ANO1: variants seen among roughly 807,000 people sequenced by gnomAD.
ANO1 encodes the protein anoctamin 1, also known as anoctamin-1.
ANO1 carries 59 observed loss-of-function variants against 124.0 expected under a neutral mutation model. The observed-to-expected ratio is 0.48, with a 90% CI of 0.39 to 0.59. The LOEUF (loss-of-function observed/expected upper bound fraction) is 0.59. ANO1 is among the 20% of genes least tolerant of loss of function. The pLI, the probability that ANO1 is intolerant of heterozygous loss-of-function variation, is 0.00. For synonymous variants in ANO1, 529 were observed against 532.0 expected (o/e 0.99, Z 0.08); for missense variants, 1,059 against 1,328.0 (o/e 0.80, Z 3.15).
Position 70,154,228 on chromosome 11 carries a change from A to G in ANO1, c.1425+1100A>G, listed in dbSNP as rs568209414. 6.0e-4 allele frequency among the ~76,000 whole-genome samples: 92 copies of G among 152,132 alleles called. 2 individuals carry two copies. In the South Asian group the frequency reaches 0.018, roughly 30 times the overall value. On this transcript the variant is annotated intron_variant, in intron 14 of 25. Transcript: ENST00000355303. ...GGTCCTGACCTTGTGTCATATCTGCACTTTCAGCCTTGGGGACTGATCAGG... is the reference window on the plus strand; with the variant it reads ...GGTCCTGACCTTGTGTCATATCTGCGCTTTCAGCCTTGGGGACTGATCAGG...
chr11:70,082,645 A>G (rs1296869753), intron 1 of ANO1, among the ~76,000 whole-genome samples: 1 of 152,238 alleles, frequency 6.6e-6, no homozygotes, highest in Non-Finnish European at 1.5e-5. Flanking sequence ...ATACAGAAAC[A>G]GAAATGTTCT....
intron 14 of ANO1, among the ~76,000 whole-genome samples, chr11:70,154,949 T>TTCCC (rs760415644): frequency 7.9e-5 from 12 of 152,280 alleles, no homozygotes; most frequent in Non-Finnish European, 1.6e-4. Context: ...GCGCCCCTCA[T>TTCCC]TCCCTCCTGG....
chr11:69,967,780 T>A, the ANO1 span, among the ~76,000 whole-genome samples: 4 of 151,950 alleles, frequency 2.6e-5, no homozygotes, highest in East Asian at 7.8e-4. Context: ...CTCTGCAGAG[T>A]CTTCTGTGCA....
At chr11:69,987,576 G>A (rs1397082692) in intron 1 of ANO1, among the ~76,000 whole-genome samples, 7 of 133,886 alleles carry the variant, frequency 5.2e-5, no homozygotes, top group Non-Finnish European at 9.1e-5. Context: ...CTGCACTCCA[G>A]CCTGGGTAAC....
intron 1 of ANO1, among the ~76,000 whole-genome samples, chr11:69,998,133 G>T (rs1393555476): frequency 1.4e-4 from 22 of 152,128 alleles, no homozygotes; most frequent in Admixed American, 7.9e-4. Context: ...CCTCACACGG[G>T]TTTCTCTCCT....
chr11:70,030,799 T>G (rs1341121217), intron 1 of ANO1, among the ~76,000 whole-genome samples: 1 of 152,200 alleles, frequency 6.6e-6, no homozygotes, highest in Non-Finnish European at 1.5e-5. Flanking sequence ...TGGACATCTC[T>G]GGAGGCCAAT....
chr11:70,150,957 G>T (rs567409885), intron 12 of ANO1, among the ~76,000 whole-genome samples: 1 of 152,132 alleles, frequency 6.6e-6, no homozygotes, highest in African/African-American at 2.4e-5. Flanking sequence ...GCCAGCTTTG[G>T]GTTGACAATA....
At chr11:70,141,289 C>T (rs762575234) in intron 11 of ANO1, among the ~76,000 whole-genome samples, 26 of 152,206 alleles carry the variant, frequency 1.7e-4, no homozygotes, top group Non-Finnish European at 3.2e-4. Flanking sequence ...CAGTTCTTCA[C>T]TGCACACCTA....
At chr11:70,117,108 T>C (rs2046010881) in intron 8 of ANO1, among the ~76,000 whole-genome samples, 1 of 145,306 alleles carries the variant, frequency 6.9e-6, no homozygotes, top group Non-Finnish European at 1.5e-5. Context: ...TTCTTTTTTT[T>C]TTTTTTTTTT....
intron 1 of ANO1, among the ~76,000 whole-genome samples, chr11:69,987,549 G>A (rs1031400404): frequency 6.8e-6 from 1 of 147,656 alleles, no homozygotes; most frequent in Non-Finnish European, 1.5e-5. Flanking sequence ...AGCCCGCAGT[G>A]TGCCTAGATC....
intron 16 of ANO1, among the ~76,000 whole-genome samples, chr11:70,158,279 C>A (rs1212414851): frequency 2.0e-5 from 3 of 152,186 alleles, no homozygotes; most frequent in Non-Finnish European, 4.4e-5. Context: ...TCCATCACCC[C>A]CCAAGTACTC....
intron 1 of ANO1, among the ~76,000 whole-genome samples, chr11:69,989,009 G>GAGGGAGGTAGGGAGGGACGC (rs1856103028): frequency 6.6e-6 from 1 of 151,872 alleles, no homozygotes; most frequent in Non-Finnish European, 1.5e-5. Context: ...GGGAGGGACG[G>GAGGGAGGTAGGGAGGGACGC]AGGGAGGGAG....
chr11:69,993,595 C>T (rs1554997891), intron 1 of ANO1, among the ~76,000 whole-genome samples: 1 of 152,200 alleles, frequency 6.6e-6, no homozygotes, highest in African/African-American at 2.4e-5. Flanking sequence ...AGCCTCCATC[C>T]CTTATTCAAG....
At position 70,095,412 on chromosome 11, in the gene ANO1, AAGAAAGAAAGAAAGAAAAGAAAAG is replaced by A. The variant is rs1488406700; in HGVS notation, c.441+7330_441+7353del. On this transcript the variant is annotated intron_variant, in intron 2 of 25. Coordinates refer to ENST00000355303, the MANE Select transcript of ANO1 (RefSeq NM_018043.7). The stretch of plus-strand genomic sequence containing the variant: ...AAAGAAAGAAAGAAAGAAAGAAAGA[AAGAAAGAAAGAAAGAAAAGAAAAG>A]AAAGAAAGAGGGAAAGAAAATTCAT... 2.8e-4 allele frequency among the ~76,000 whole-genome samples: 20 copies of A among 70,476 alleles called. 1 individual carries two copies. The highest frequency in any genetic ancestry group is 4.6e-4 in the Non-Finnish European group (13 of 28,410). The allele number at this position is 70,476 out of a possible 152,430, so 46.2% of individuals were successfully genotyped here. A position where few individuals can be genotyped will look rare whatever the true frequency, so the allele number is the denominator to read the frequency against.
intron 9 of ANO1, among the ~76,000 whole-genome samples, chr11:70,124,744 T>A (rs1272287940): frequency 6.6e-6 from 1 of 152,034 alleles, no homozygotes; most frequent in Non-Finnish European, 1.5e-5. Flanking sequence ...CTGCCTCAAA[T>A]GTGGAAGGAT....
intron 22 of ANO1, among the ~76,000 whole-genome samples, chr11:70,177,140 C>T (rs2048734496): frequency 6.6e-6 from 1 of 152,222 alleles, no homozygotes; most frequent in South Asian, 2.1e-4. Flanking sequence ...TGGGCGGACC[C>T]CCTTGCCTGC....
chr11:70,025,308 G>A (rs1170545783), intron 1 of ANO1, among the ~76,000 whole-genome samples: 4 of 152,238 alleles, frequency 2.6e-5, no homozygotes, highest in Non-Finnish European at 5.9e-5. Flanking sequence ...CACTATGCCT[G>A]TTATGAAGGA....
intron 16 of ANO1, among the ~76,000 whole-genome samples, chr11:70,157,726 T>C (rs1003629308): frequency 6.6e-6 from 1 of 152,072 alleles, no homozygotes; most frequent in Non-Finnish European, 1.5e-5. Flanking sequence ...GTGCAGTGGC[T>C]CACACCTGTA....
chr11:70,012,222 C>T (rs1016991096), intron 1 of ANO1, among the ~76,000 whole-genome samples: 9 of 151,736 alleles, frequency 5.9e-5, no homozygotes, highest in African/African-American at 2.2e-4. Context: ...ATCCAGCAAT[C>T]TATCTATTCA....
Sources: allele counts gnomAD v4.1 joint callset (sites outside exome capture counted in the v4.1 genomes callset), GRCh38; gene constraint gnomAD v4.1.1; transcripts MANE v1.5; gene names NCBI Gene and HGNC (gene_info 2026-07-23, HGNC 2026-07-21).